The following SCN11A variants were observed in gnomAD, a reference collection of about 807,000 sequenced individuals.
SCN11A encodes sodium voltage-gated channel alpha subunit 11, also known as sodium channel protein type 11 subunit alpha.
A neutral mutation model predicts 162.2 loss-of-function variants in SCN11A; 122 were observed. The observed-to-expected ratio is 0.75, with a 90% CI of 0.65 to 0.87. The LOEUF (loss-of-function observed/expected upper bound fraction) is 0.87. SCN11A is among the 40% of genes least tolerant of loss of function. The probability of loss-of-function intolerance (pLI) is 0.00; values close to 1 mark genes in which losing one functional copy is unlikely to be tolerated. For missense variants in SCN11A, 2,015 were observed against 2,181.6 expected, an observed-to-expected ratio of 0.92 and a Z score of 1.52; for synonymous variants, 758 against 751.5, an observed-to-expected ratio of 1.01 and a Z score of -0.14.
intron 7 of SCN11A, among the ~76,000 whole-genome samples, chr3:38,938,419 GAACTA>G (rs1292883995): frequency 6.9e-6 from 1 of 144,060 alleles, no homozygotes; most frequent in African/African-American, 2.5e-5. Context: ...GAAAATGCAT[GAACTA>G]AACATTCAAA....
intron 7 of SCN11A, among the ~76,000 whole-genome samples, chr3:38,934,354 G>C (rs995508863): frequency 3.9e-5 from 6 of 152,088 alleles, no homozygotes; most frequent in Middle Eastern, 3.4e-3. Context: ...ATAATGACAG[G>C]ATCAAATTCA....
chr3:39,013,287 A>G (rs1049326904), intron 2 of SCN11A, among the ~76,000 whole-genome samples: 1 of 152,288 alleles, frequency 6.6e-6, no homozygotes, highest in African/African-American at 2.4e-5. Context: ...TAAGTGATCC[A>G]AAAACACATT....
chr3:38,936,571 C>T (rs968041117), intron 7 of SCN11A, among the ~76,000 whole-genome samples: 1 of 150,640 alleles, frequency 6.6e-6, no homozygotes, highest in South Asian at 2.1e-4. Flanking sequence ...TTCTTATACA[C>T]CAACAACAGA....
chr3:39,019,232 T>C (rs532815323), intron 2 of SCN11A, among the ~76,000 whole-genome samples: 1 of 152,266 alleles, frequency 6.6e-6, no homozygotes, highest in East Asian at 1.9e-4. Flanking sequence ...TTTTCAGTTT[T>C]TTTGCATGTC....
intron 2 of SCN11A, among the ~76,000 whole-genome samples, chr3:38,990,147 T>C (rs1287557569): frequency 6.6e-6 from 1 of 152,194 alleles, no homozygotes; most frequent in Admixed American, 6.5e-5. Flanking sequence ...CGAGAGTTTC[T>C]AAAACAGTTG....
intron 2 of SCN11A, among the ~76,000 whole-genome samples, chr3:39,008,887 AC>A (rs58576346): frequency 0.41 from 58,597 of 143,420 alleles, 14,179 homozygotes; most frequent in African/African-American, 0.72. Context: ...ATCTCAAAAA[AC>A]AAAAAAAAAA....
intron 7 of SCN11A, among the ~76,000 whole-genome samples, chr3:38,942,006 T>C (rs2125569742): frequency 1.3e-5 from 2 of 152,056 alleles, no homozygotes; most frequent in East Asian, 3.9e-4. Flanking sequence ...AGTAAAAGAA[T>C]GGAAAAAGAT....
chr3:39,002,271 G>A (rs1006573325), intron 2 of SCN11A, among the ~76,000 whole-genome samples: 7 of 152,154 alleles, frequency 4.6e-5, no homozygotes, highest in Admixed American at 1.3e-4. Context: ...AAGTCCAAAT[G>A]AGAAACAAAT....
intron 17 of SCN11A, among the ~76,000 whole-genome samples, chr3:38,898,759 G>C (rs2065647539): frequency 6.6e-6 from 1 of 152,006 alleles, no homozygotes. Flanking sequence ...TCCCCTATTT[G>C]GGGATGGAAA....
At chr3:39,025,610 G>A (rs773579380) in intron 2 of SCN11A, among the ~76,000 whole-genome samples, 13 of 152,186 alleles carry the variant, frequency 8.5e-5, no homozygotes, top group Non-Finnish European at 1.6e-4. Flanking sequence ...TGGTGGGAGT[G>A]TCTTCTAGCA....
chr3:38,960,848 C>T (rs967147382), intron 2 of SCN11A, among the ~76,000 whole-genome samples: 2 of 152,062 alleles, frequency 1.3e-5, no homozygotes, highest in African/African-American at 4.8e-5. Flanking sequence ...GGGTTCAGAC[C>T]TAGAAAAATA....
intron 2 of SCN11A, among the ~76,000 whole-genome samples, chr3:39,014,204 A>C (rs1355385900): frequency 6.6e-6 from 1 of 152,190 alleles, no homozygotes; most frequent in South Asian, 2.1e-4. Flanking sequence ...GCAAGTATTA[A>C]GAGGTGCCCC....
chr3:39,043,634 C>A (rs950317405), intron 1 of SCN11A, among the ~76,000 whole-genome samples: 1 of 151,590 alleles, frequency 6.6e-6, no homozygotes, highest in African/African-American at 2.4e-5. Flanking sequence ...AGCAACTGAA[C>A]TCATGGATAC....
Position 38,919,924 on chromosome 3 carries a change from A to C in SCN11A, c.959+11T>G. 6.2e-7 allele frequency: 1 copy of C among 1,605,368 alleles called. No homozygotes were observed. The highest frequency in any genetic ancestry group is 8.5e-7 in the Non-Finnish European group (1 of 1,172,416). ...CTCTTCTTGGGAGGAAAATGATTAT[A>C]AACCTCTTACCTGTTACCCATCCAG... On this transcript the variant is annotated intron_variant, in intron 11 of 29. Coordinates refer to ENST00000302328, the MANE Select transcript of SCN11A (RefSeq NM_001349253.2).
At chr3:39,036,873 G>A (rs2031916589) in intron 1 of SCN11A, among the ~76,000 whole-genome samples, 1 of 152,176 alleles carries the variant, frequency 6.6e-6, no homozygotes, top group Non-Finnish European at 1.5e-5. Flanking sequence ...TACTGTTAGT[G>A]GGAATGTAAA....
chr3:39,027,594 G>C (rs940388543), intron 2 of SCN11A, among the ~76,000 whole-genome samples: 1 of 152,186 alleles, frequency 6.6e-6, no homozygotes, highest in African/African-American at 2.4e-5. Context: ...GCTTCTGAAA[G>C]TTTAGCCCCT....
At chr3:38,992,087 G>A (rs2030469890) in intron 2 of SCN11A, among the ~76,000 whole-genome samples, 1 of 152,196 alleles carries the variant, frequency 6.6e-6, no homozygotes, top group African/African-American at 2.4e-5. Context: ...GGGATTACAG[G>A]CATGAGCCAC....
chr3:39,016,112 A>G (rs1443328463), intron 2 of SCN11A, among the ~76,000 whole-genome samples: 1 of 152,178 alleles, frequency 6.6e-6, no homozygotes, highest in Non-Finnish European at 1.5e-5. Flanking sequence ...GGAGCTATGT[A>G]AGAATGTGGG....
chr3:39,040,047 C>G (rs967895485), intron 1 of SCN11A, among the ~76,000 whole-genome samples: 1 of 152,214 alleles, frequency 6.6e-6, no homozygotes, highest in Non-Finnish European at 1.5e-5. Context: ...TGGTGCCCAC[C>G]TGGTGCCCAC....
Sources: gnomAD v4.1 joint callset for allele counts (sites outside exome capture counted in the v4.1 genomes callset) on GRCh38, gnomAD v4.1.1 for gene constraint, MANE v1.5 for transcripts, NCBI Gene and HGNC (gene_info 2026-07-23, HGNC 2026-07-21) for gene names.